Variants in ZFHX4 observed in about 807,000 individuals in gnomAD.
The protein encoded by ZFHX4 is zinc finger homeobox 4, also known as zinc finger homeobox protein 4.
In ZFHX4, 56 loss-of-function variants were observed where a neutral mutation model predicts 267.6. The observed-to-expected ratio is 0.21, with a 90% CI of 0.17 to 0.26. The LOEUF (loss-of-function observed/expected upper bound fraction) is 0.26, where lower values mean the gene tolerates loss of function less well. Among genes scored for constraint, ZFHX4 ranks in the 10% least tolerant of loss-of-function variants. ZFHX4 has a pLI of 1.00. For missense variants in ZFHX4, 4,332 were observed against 4,420.0 expected (o/e 0.98, Z 0.56); for synonymous variants, 1,778 against 1,665.6 (o/e 1.07, Z -1.64).
chr8:76,748,949 A>G (rs1480564171), intron 3 of ZFHX4, among the ~76,000 whole-genome samples: 1 of 152,182 alleles, frequency 6.6e-6, no homozygotes, highest in Non-Finnish European at 1.5e-5. Context: ...TAACTTATTT[A>G]TTTATAAAAC....
intron 1 of ZFHX4, among the ~76,000 whole-genome samples, chr8:76,699,534 A>G (rs1220565027): frequency 6.6e-6 from 1 of 152,132 alleles, no homozygotes. Flanking sequence ...ACTTCCACAC[A>G]GGTATTTACC....
intron 4 of ZFHX4, among the ~76,000 whole-genome samples, chr8:76,804,959 T>C (rs1811209478): frequency 6.6e-6 from 1 of 152,092 alleles, no homozygotes; most frequent in Admixed American, 6.6e-5. Flanking sequence ...TGAACATGCA[T>C]ACATTGATTT....
intron 4 of ZFHX4, among the ~76,000 whole-genome samples, chr8:76,788,249 G>T (rs764531172): frequency 1.3e-5 from 2 of 152,018 alleles, no homozygotes; most frequent in African/African-American, 2.4e-5. Flanking sequence ...TGTGTTATCC[G>T]TATTTCCAGA....
At chr8:76,697,303 G>T (rs1807984575) in intron 1 of ZFHX4, among the ~76,000 whole-genome samples, 1 of 151,856 alleles carries the variant, frequency 6.6e-6, no homozygotes, top group South Asian at 2.1e-4. Flanking sequence ...GAAATAAATT[G>T]TATGTGCACT....
rs1813040939 is a variant in ZFHX4, at chr8:76,866,676, A to C, written c.*2111A>C. The stretch of plus-strand genomic sequence containing the variant: ...TCGATCTGTCCTGGCAGTTAACACG[A>C]TGTGCAACAGTGTGTTAGCATGGAA... On this transcript the variant is annotated 3_prime_UTR_variant, in exon 11 of 11. Transcript: ENST00000651372. 1.3e-5 allele frequency: 2 copies of C among 152,542 alleles called. No homozygotes were observed. The highest frequency in any genetic ancestry group is 2.9e-5 in the Non-Finnish European group (2 of 68,022). 9.4% of individuals were successfully genotyped at this position (152,542 alleles called of 1,614,324 possible).
chr8:76,804,658 T>C (rs1442098580), intron 4 of ZFHX4, among the ~76,000 whole-genome samples: 1 of 152,118 alleles, frequency 6.6e-6, no homozygotes, highest in African/African-American at 2.4e-5. Flanking sequence ...AGGTGGAAAC[T>C]TCCCCAAGTT....
At position 76,851,600 on chromosome 8, in the gene ZFHX4, A is replaced by G. The variant is rs763334271; in HGVS notation, c.4679A>G (p.Tyr1560Cys). 4 of 1,613,912 alleles carry G rather than the reference A, an allele frequency of 2.5e-6. No homozygotes were observed. The highest frequency in any genetic ancestry group is 3.4e-6 in the Non-Finnish European group (4 of 1,179,860). The change falls in exon 10 of 11, where the codon TAT becomes TGT. Residue 1560 changes from tyrosine (Y) to cysteine (C), a missense_variant. By Grantham distance (194) the Tyr-to-Cys change is radical. Transcript: ENST00000651372. ...FTQKNILLVHYNSVSHLHKLK... is the reference protein window; with the variant it reads ...FTQKNILLVHCNSVSHLHKLK... ...CAAAAGAACATTCTCTTGGTCCACTATAATTCAGTTTCTCACTTGCATAAG... is the reference window on the plus strand; with the variant it reads ...CAAAAGAACATTCTCTTGGTCCACTGTAATTCAGTTTCTCACTTGCATAAG...
chr8:76,726,036 A>C (rs1808844476), intron 3 of ZFHX4, among the ~76,000 whole-genome samples: 1 of 152,166 alleles, frequency 6.6e-6, no homozygotes, highest in African/African-American at 2.4e-5. Context: ...TACCCTGTAA[A>C]GTCTTCGGGA....
At position 76,705,085 on chromosome 8, in the gene ZFHX4, A is replaced by C; in HGVS notation, c.997A>C (p.Ile333Leu). 2 of 1,613,918 alleles carry C rather than the reference A, an allele frequency of 1.2e-6. No homozygotes were observed. Among genetic ancestry groups the C allele is most frequent in the Admixed American group, 1.7e-5 (1 of 59,994 alleles). Residue 333 changes from isoleucine to leucine, a missense_variant, in exon 2 of 11, where the codon ATA becomes CTA. Ile to Leu is a conservative substitution (Grantham distance 5, BLOSUM62 2). Transcript: ENST00000651372. The part of the protein sequence containing the change: ...QGIGKDKEPL[I>L]SFLEPKKSTS... ...GATTGGCAAAGACAAAGAACCTCTT[A>C]TAAGCTTTCTGGAACCAAAAAAATC...
At position 76,704,943 on chromosome 8, in the gene ZFHX4, G is replaced by A. The variant is rs1050302678; in HGVS notation, c.855G>A (p.Leu285=). The change falls in exon 2 of 11, where the codon TTG becomes TTA. Residue 285 remains leucine (L), a synonymous_variant. Transcript: ENST00000651372. ...KPVLMCFLCK[L]SFGYIRSFVT... The stretch of plus-strand genomic sequence containing the variant: ...TTTTAATGTGTTTCTTGTGCAAGTT[G>A]TCTTTTGGTTATATCAGGTCATTTG... 6.2e-7 allele frequency: 1 copy of A among 1,614,004 alleles called. No homozygotes were observed. The highest frequency in any genetic ancestry group is 8.5e-7 in the Non-Finnish European group (1 of 1,179,894).
At chr8:76,797,912 G>C (rs772040685) in intron 4 of ZFHX4, among the ~76,000 whole-genome samples, 12 of 151,132 alleles carry the variant, frequency 7.9e-5, no homozygotes, top group South Asian at 2.1e-4. Context: ...GTGTGTGTGT[G>C]TGTGTGTCTG....
In ZFHX4 at chr8:76,865,652, A is replaced by G. The variant is rs904672805; in HGVS notation, c.*1087A>G. 2.0e-5 allele frequency: 3 copies of G among 152,600 alleles called. No individual in the cohort carries two copies. Among genetic ancestry groups the G allele is most frequent in the Non-Finnish European group, 4.4e-5 (3 of 68,026 alleles). The allele number at this position is 152,600 out of a possible 1,614,324, so 9.5% of individuals were successfully genotyped here. A position where few individuals can be genotyped will look rare whatever the true frequency, so the allele number is the denominator to read the frequency against. ...AAACTGTTTAAGTACAAGTTGAACA[A>G]AAATTATGAAAAGGTATATTTGCTT... On this transcript the variant is annotated 3_prime_UTR_variant, in exon 11 of 11. Coordinates refer to ENST00000651372, the MANE Select transcript of ZFHX4 (RefSeq NM_024721.5).
At chr8:76,808,797 C>A (rs944122673) in intron 4 of ZFHX4, among the ~76,000 whole-genome samples, 1 of 152,272 alleles carries the variant, frequency 6.6e-6, no homozygotes, top group Non-Finnish European at 1.5e-5. Flanking sequence ...GCCTGCTAGG[C>A]ATATTCTTAT....
In ZFHX4 at chr8:76,863,094, C is replaced by T; in HGVS notation, c.9380C>T (p.Thr3127Ile). 6.6e-7 allele frequency: 1 copy of T among 1,506,882 alleles called. No individual in the cohort carries two copies. 93.3% of individuals were successfully genotyped at this position (1,506,882 alleles called of 1,614,324 possible). Residue 3127 changes from threonine (T) to isoleucine (I), a missense_variant and splice_region_variant, in exon 11 of 11, where the codon ACT (threonine) becomes ATT (isoleucine). This residue lies in a region of ZFHX4 where 1,648 missense variants were observed against 1,625.0 expected (regional missense o/e 1.01). Transcript: ENST00000651372. ...GCCATCTCTCTGTTGTTGTTTTCAGCTTTAACACCTCCCGGTGCAGGCATG... is the reference window on the plus strand; with the variant it reads ...GCCATCTCTCTGTTGTTGTTTTCAGTTTTAACACCTCCCGGTGCAGGCATG... ...SLPGFPQNSNTLTPPGAGMLG... is the reference protein window; with the variant it reads ...SLPGFPQNSNILTPPGAGMLG...
intron 4 of ZFHX4, among the ~76,000 whole-genome samples, chr8:76,812,768 A>G (rs1175758422): frequency 6.6e-6 from 1 of 152,164 alleles, no homozygotes; most frequent in Non-Finnish European, 1.5e-5. Flanking sequence ...AAAAAAATGG[A>G]TTTGCGGTAC....
At chr8:76,799,541 CA>C (rs977928938) in intron 4 of ZFHX4, among the ~76,000 whole-genome samples, 7 of 152,116 alleles carry the variant, frequency 4.6e-5, no homozygotes, top group Non-Finnish European at 7.4e-5. Context: ...CAATAGAAAA[CA>C]AAAATCCTTA....
At chr8:76,827,711 G>T (rs1811823416) in intron 4 of ZFHX4, among the ~76,000 whole-genome samples, 1 of 152,276 alleles carries the variant, frequency 6.6e-6, no homozygotes, top group South Asian at 2.1e-4. Flanking sequence ...TTACACCGAG[G>T]TCATAGATGA....
chr8:76,698,165 T>G (rs940162217), intron 1 of ZFHX4, among the ~76,000 whole-genome samples: 1 of 152,150 alleles, frequency 6.6e-6, no homozygotes, highest in African/African-American at 2.4e-5. Flanking sequence ...ACTATTCATT[T>G]TCAATTAGAA....
rs771849728 is a variant in ZFHX4, at chr8:76,852,200, C to A, written c.5279C>A (p.Ala1760Asp). 6 of 1,613,768 alleles carry A rather than the reference C, an allele frequency of 3.7e-6. No individual in the cohort carries two copies. Among genetic ancestry groups the A allele is most frequent in the South Asian group, 3.3e-5 (3 of 91,074 alleles). The change falls in exon 10 of 11, where the codon GCC becomes GAC. Residue 1760 changes from alanine (A) to aspartate (D), a missense_variant. Transcript: ENST00000651372. Reference protein sequence around the residue: ...LGPDLGLPGSATFGMPGMTGM... With the variant: ...LGPDLGLPGSDTFGMPGMTGM... ...CCAGATTTGGGCTTGCCAGGCTCTGCCACATTTGGGATGCCTGGCATGACA... is the reference window on the plus strand; with the variant it reads ...CCAGATTTGGGCTTGCCAGGCTCTGACACATTTGGGATGCCTGGCATGACA...
Sources: allele counts gnomAD v4.1 joint callset (sites outside exome capture counted in the v4.1 genomes callset), GRCh38; gene constraint gnomAD v4.1.1; regional missense constraint gnomAD v4.1.1; transcripts MANE v1.5; gene names NCBI Gene and HGNC (gene_info 2026-07-23, HGNC 2026-07-21).